NALCN: variants seen among roughly 807,000 people sequenced by gnomAD.
The protein encoded by NALCN is sodium leak channel NALCN.
A neutral mutation model predicts 225.3 loss-of-function variants in NALCN; 111 were observed. That is an observed-to-expected ratio of 0.49 (90% CI 0.42 to 0.58). The LOEUF is 0.58. Ranked by LOEUF, NALCN falls within the 20% of genes least tolerant of loss-of-function variation. The pLI is 0.00. For synonymous variants in NALCN, 764 were observed against 769.0 expected (o/e 0.99, Z 0.11); for missense variants, 1,378 against 2,202.4 (o/e 0.63, Z 7.49).
intron 7 of NALCN, among the ~76,000 whole-genome samples, chr13:101,299,429 TG>T (rs1404667235): frequency 1.9e-3 from 246 of 131,536 alleles, no homozygotes; most frequent in African/African-American, 7.3e-3. Flanking sequence ...GGGTTTTTTT[TG>T]TTTGTTTGTT....
At chr13:101,205,610 G>A (rs151058286) in intron 13 of NALCN, among the ~76,000 whole-genome samples, 257 of 152,194 alleles carry the variant, frequency 1.7e-3, no homozygotes, top group Middle Eastern at 6.8e-3. Context: ...GAGACCTGGA[G>A]ATTTATGCAA....
chr13:101,209,475 C>A (rs1235404439), intron 13 of NALCN, among the ~76,000 whole-genome samples: 2 of 151,866 alleles, frequency 1.3e-5, no homozygotes, highest in East Asian at 1.9e-4. Flanking sequence ...TTTTGGAGTG[C>A]CATTTTTTGT....
intron 11 of NALCN, among the ~76,000 whole-genome samples, chr13:101,239,818 T>G (rs2041692935): frequency 6.6e-6 from 1 of 152,108 alleles, no homozygotes; most frequent in Non-Finnish European, 1.5e-5. Context: ...ATTAAAGTGA[T>G]TACTTTCAAA....
At chr13:101,408,757 C>A (rs1423100740) in intron 1 of NALCN, among the ~76,000 whole-genome samples, 1 of 152,130 alleles carries the variant, frequency 6.6e-6, no homozygotes, top group South Asian at 2.1e-4. Context: ...GTGTCTTGGC[C>A]CTCACTAAAT....
chr13:101,258,383 G>A (rs891296715), intron 11 of NALCN, 60 bp downstream of exon 11: 26 of 1,602,510 alleles, frequency 1.6e-5, no homozygotes, highest in Admixed American at 3.4e-5. Context: ...TCTCTAAGAG[G>A]CACTGTCCGC....
At chr13:101,328,662 A>C (rs1412925232) in intron 7 of NALCN, among the ~76,000 whole-genome samples, 1 of 152,162 alleles carries the variant, frequency 6.6e-6, no homozygotes, top group Non-Finnish European at 1.5e-5. Context: ...TTACTTAATT[A>C]TGTATCTAGT....
At chr13:101,399,775 T>G (rs1018300764) in intron 1 of NALCN, among the ~76,000 whole-genome samples, 1 of 152,182 alleles carries the variant, frequency 6.6e-6, no homozygotes, top group Non-Finnish European at 1.5e-5. Context: ...TTCATGAAAT[T>G]ACATTGAGGT....
chr13:101,411,107 T>C (rs1434533506), intron 1 of NALCN, among the ~76,000 whole-genome samples: 1 of 152,222 alleles, frequency 6.6e-6, no homozygotes, highest in African/African-American at 2.4e-5. Flanking sequence ...TCCTCCCAGA[T>C]TGGAATGCTG....
chr13:101,087,007 G>A (rs887841121), intron 30 of NALCN, among the ~76,000 whole-genome samples: 2 of 151,920 alleles, frequency 1.3e-5, no homozygotes, highest in African/African-American at 4.8e-5. Context: ...AACTCTGAAA[G>A]GATCTAAAAG....
intron 7 of NALCN, among the ~76,000 whole-genome samples, chr13:101,336,711 A>C (rs1292437378): frequency 6.6e-6 from 1 of 152,216 alleles, no homozygotes; most frequent in Non-Finnish European, 1.5e-5. Flanking sequence ...CATTCTAATA[A>C]AGAAATTAAT....
chr13:101,154,124 A>G (rs2037788056), intron 15 of NALCN, among the ~76,000 whole-genome samples: 1 of 152,228 alleles, frequency 6.6e-6, no homozygotes, highest in Non-Finnish European at 1.5e-5. Context: ...TTATGCTAAT[A>G]TTATTTAACC....
intron 7 of NALCN, among the ~76,000 whole-genome samples, chr13:101,299,753 T>C (rs907589366): frequency 2.0e-5 from 3 of 152,156 alleles, no homozygotes; most frequent in Non-Finnish European, 4.4e-5. Flanking sequence ...GTTTTTATTT[T>C]TGGTGAACTC....
At chr13:101,076,479 G>T (rs1160702033) in intron 34 of NALCN, among the ~76,000 whole-genome samples, 8 of 152,190 alleles carry the variant, frequency 5.3e-5, no homozygotes, top group Admixed American at 5.2e-4. Context: ...TGCACTTTAT[G>T]AATAAGAAAG....
intron 10 of NALCN, among the ~76,000 whole-genome samples, chr13:101,279,645 T>C: frequency 6.9e-6 from 1 of 144,192 alleles, no homozygotes. Flanking sequence ...TGAAACCCCG[T>C]CTCTACTAAA....
At chr13:101,293,712 C>A (rs1308479770) in intron 7 of NALCN, among the ~76,000 whole-genome samples, 3 of 152,036 alleles carry the variant, frequency 2.0e-5, no homozygotes, top group Non-Finnish European at 4.4e-5. Flanking sequence ...GCATGCAGAA[C>A]AGAAGGCAAG....
intron 7 of NALCN, among the ~76,000 whole-genome samples, chr13:101,327,322 G>A (rs61035869): frequency 0.066 from 9,984 of 151,988 alleles, 557 homozygotes; most frequent in East Asian, 0.25. Context: ...TTAGTTTTCT[G>A]TAAGATAATT....
At chr13:101,362,907 A>G (rs1332047258) in intron 6 of NALCN, among the ~76,000 whole-genome samples, 3 of 152,136 alleles carry the variant, frequency 2.0e-5, no homozygotes, top group Non-Finnish European at 4.4e-5. Flanking sequence ...ATACAAAACC[A>G]ACATACAAAA....
chr13:101,204,206 C>T (rs915549485), intron 13 of NALCN, among the ~76,000 whole-genome samples: 9 of 152,072 alleles, frequency 5.9e-5, no homozygotes, highest in African/African-American at 1.4e-4. Flanking sequence ...AGAACTTAGG[C>T]GTTTAAAATA....
At chr13:101,307,676 A>G (rs2044198402) in intron 7 of NALCN, among the ~76,000 whole-genome samples, 1 of 152,206 alleles carries the variant, frequency 6.6e-6, no homozygotes, top group African/African-American at 2.4e-5. Flanking sequence ...CTAGCCCAAG[A>G]AAAGGGAAGG....
Sources: allele counts gnomAD v4.1 joint callset (sites outside exome capture counted in the v4.1 genomes callset), GRCh38; gene constraint gnomAD v4.1.1; transcripts MANE v1.5; gene names NCBI Gene and HGNC (gene_info 2026-07-23, HGNC 2026-07-21).